The following RASAL2 variants were observed in gnomAD, a reference collection of about 807,000 sequenced individuals.
RASAL2 encodes the protein ras GTPase-activating protein nGAP.
In RASAL2, 58 loss-of-function variants were observed where a neutral mutation model predicts 128.9. The ratio of observed to expected loss-of-function variants is 0.45; its 90% CI spans 0.36 to 0.56. RASAL2 has a LOEUF of 0.56. Among genes scored for constraint, RASAL2 ranks in the 20% least tolerant of loss-of-function variants. RASAL2 has a pLI of 0.00. For synonymous variants in RASAL2, 561 were observed against 580.8 expected (o/e 0.97, Z 0.49); for missense variants, 1,360 against 1,601.6 (o/e 0.85, Z 2.57).
At chr1:178,441,477 G>A (rs1353330630) in intron 6 of RASAL2, 72 bp from the exon 7 acceptor site, 2 of 1,021,840 alleles carry the variant, frequency 2.0e-6, no homozygotes. Context: ...TTAGAGGTAT[G>A]CTGTGAACCC....
rs548005888 is a variant in RASAL2 at position 178,129,569 on chromosome 1, T to C, written c.202+34875T>C. Among the ~76,000 whole-genome samples the C allele has an allele frequency of 1.6e-4, 24 of 152,272 alleles. No homozygotes were observed. In the South Asian group the frequency reaches 2.3e-3, roughly 14 times the overall value. On this transcript the variant is annotated intron_variant, in intron 1 of 17. Transcript: ENST00000367649. The stretch of plus-strand genomic sequence containing the variant: ...GTTTATTTCTTGATGTCTTTTGGAG[T>C]ATAAAAGTTTAAAATTTTGATGCAG...
At chr1:178,282,426 T>C (rs559095477) in intron 1 of RASAL2, among the ~76,000 whole-genome samples, 1 of 152,332 alleles carries the variant, frequency 6.6e-6, no homozygotes, top group South Asian at 2.1e-4. Context: ...GAACTCCAGC[T>C]ATAATTATGC....
At chr1:178,320,789 G>A (rs995358277) in intron 3 of RASAL2, among the ~76,000 whole-genome samples, 3 of 152,180 alleles carry the variant, frequency 2.0e-5, no homozygotes, top group Admixed American at 2.0e-4. Context: ...GACCGGAGCT[G>A]TTCCTATTCG....
intron 3 of RASAL2, among the ~76,000 whole-genome samples, chr1:178,336,323 A>G (rs1669583573): frequency 6.6e-6 from 1 of 152,080 alleles, no homozygotes; most frequent in Non-Finnish European, 1.5e-5. Context: ...TGAATTATAT[A>G]ATACATATGT....
chr1:178,450,143 A>C (rs528974730), intron 9 of RASAL2, among the ~76,000 whole-genome samples: 6 of 152,272 alleles, frequency 3.9e-5, no homozygotes, highest in African/African-American at 1.2e-4. Flanking sequence ...TGGCCATTTC[A>C]CCTGACAAAA....
intron 1 of RASAL2, among the ~76,000 whole-genome samples, chr1:178,190,103 C>T (rs887795404): frequency 7.0e-5 from 10 of 142,216 alleles, no homozygotes; most frequent in Non-Finnish European, 1.0e-4. Flanking sequence ...CCCCACCTTC[C>T]GCAGAAAGAA....
intron 3 of RASAL2, among the ~76,000 whole-genome samples, chr1:178,355,312 C>G (rs1670743396): frequency 6.6e-6 from 1 of 151,982 alleles, no homozygotes; most frequent in Non-Finnish European, 1.5e-5. Flanking sequence ...ATAAAGAGTC[C>G]AAAAACAGAC....
chr1:178,368,310 T>TAG (rs949320128), intron 3 of RASAL2, among the ~76,000 whole-genome samples: 2 of 152,210 alleles, frequency 1.3e-5, no homozygotes, highest in African/African-American at 4.8e-5. Flanking sequence ...ACGTGGTTGT[T>TAG]GTTTAAGAAT....
rs188173303 is a variant in RASAL2, at chr1:178,159,395, T to C, written c.202+64701T>C. On this transcript the variant is annotated intron_variant, in intron 1 of 17. Transcript: ENST00000367649. ...GTCACGCAATATGGAAGGGTAGACC[T>C]GACATATCTTATTTCAGAGTAGTGC... Among the ~76,000 whole-genome samples the C allele has an allele frequency of 2.4e-3, 368 of 152,316 alleles. 1 individual carries two copies. Among genetic ancestry groups the C allele is most frequent in the African/African-American group, 8.6e-3 (357 of 41,586 alleles).
chr1:178,310,014 T>C (rs1571831358), intron 3 of RASAL2, among the ~76,000 whole-genome samples: 2 of 152,188 alleles, frequency 1.3e-5, no homozygotes, highest in South Asian at 4.1e-4. Context: ...CATGGCTTGG[T>C]GAGTAGAGTT....
At chr1:178,171,091 G>A (rs930675079) in intron 1 of RASAL2, among the ~76,000 whole-genome samples, 6 of 151,816 alleles carry the variant, frequency 4.0e-5, no homozygotes, top group South Asian at 2.1e-4. Flanking sequence ...ACCATTCCAC[G>A]TGGGTTTTCC....
At chr1:178,402,919 A>G (rs1251177526) in intron 4 of RASAL2, among the ~76,000 whole-genome samples, 1 of 152,132 alleles carries the variant, frequency 6.6e-6, no homozygotes, top group Admixed American at 6.5e-5. Flanking sequence ...CAGGCCTTCC[A>G]TGATAACCTC....
In RASAL2 at chr1:178,136,694, T is replaced by C. The variant is rs553934022; in HGVS notation, c.202+42000T>C. ...ATTCCTTGAACCTGTTGTGGGGAGG[T>C]TGCAGTGAGCCAAGATTGCGCCACT... On this transcript the variant is annotated intron_variant, in intron 1 of 17. Coordinates refer to ENST00000367649, the MANE Select transcript of RASAL2 (RefSeq NM_170692.4). Among the ~76,000 whole-genome samples the C allele has an allele frequency of 3.2e-5, 4 of 126,120 alleles. No individual in the cohort carries two copies. The South Asian group carries it at 1.0e-3, about 32-fold the overall frequency. The allele number at this position is 126,120 out of a possible 152,430, so 82.7% of individuals were successfully genotyped here.
At chr1:178,360,564 A>G (rs953777364) in intron 3 of RASAL2, among the ~76,000 whole-genome samples, 2 of 152,212 alleles carry the variant, frequency 1.3e-5, no homozygotes, top group East Asian at 1.9e-4. Context: ...GTAATCAACT[A>G]TATCTTTCCT....
At chr1:178,402,786 T>C (rs1673729928) in intron 4 of RASAL2, among the ~76,000 whole-genome samples, 1 of 152,144 alleles carries the variant, frequency 6.6e-6, no homozygotes, top group South Asian at 2.1e-4. Context: ...CCTCCATCTC[T>C]GATGCTGTTA....
intron 2 of RASAL2, among the ~76,000 whole-genome samples, chr1:178,286,012 C>G (rs1667007568): frequency 6.6e-6 from 1 of 152,116 alleles, no homozygotes; most frequent in Admixed American, 6.5e-5. Context: ...CCTTTTTATA[C>G]CAGTCATCAT....
chr1:178,302,801 G>A (rs1667823190), intron 3 of RASAL2, among the ~76,000 whole-genome samples: 4 of 152,152 alleles, frequency 2.6e-5, no homozygotes, highest in Admixed American at 2.6e-4. Context: ...CAGCACTTTG[G>A]GAGGCCAAGG....
At chr1:178,448,246 GA>G (rs1034407398) in intron 9 of RASAL2, among the ~76,000 whole-genome samples, 1 of 152,160 alleles carries the variant, frequency 6.6e-6, no homozygotes, top group Non-Finnish European at 1.5e-5. Context: ...GATACCAATA[GA>G]GAAGAGAGCA....
chr1:178,403,056 T>C (rs1462646640), intron 4 of RASAL2, among the ~76,000 whole-genome samples: 2 of 152,128 alleles, frequency 1.3e-5, no homozygotes, highest in East Asian at 1.9e-4. Context: ...TGAATGAGAT[T>C]AGCACAGTCT....
Sources: gnomAD v4.1 joint callset for allele counts (sites outside exome capture counted in the v4.1 genomes callset) on GRCh38, gnomAD v4.1.1 for gene constraint, MANE v1.5 for transcripts, NCBI Gene and HGNC (gene_info 2026-07-23, HGNC 2026-07-21) for gene names.